The following PPM1H variants were observed in gnomAD, a reference collection of about 807,000 sequenced individuals.
PPM1H encodes the protein protein phosphatase 1H.
PPM1H carries 27 observed loss-of-function variants against 54.9 expected under a neutral mutation model. That is an observed-to-expected ratio of 0.49 (90% CI 0.36 to 0.68). PPM1H has a LOEUF of 0.68. Ranked by LOEUF, PPM1H falls within the 30% of genes least tolerant of loss-of-function variation. PPM1H has a pLI of 0.00. For missense variants in PPM1H, 596 were observed against 667.8 expected (o/e 0.89, Z 1.19); for synonymous variants, 305 against 270.8 (o/e 1.13, Z -1.24).
chr12:62,717,945 C>T (rs1213491744), intron 6 of PPM1H, among the ~76,000 whole-genome samples: 3 of 152,212 alleles, frequency 2.0e-5, no homozygotes, highest in Admixed American at 6.5e-5. Context: ...AAATCCTAGG[C>T]AGATATTTAT....
chr12:62,696,052 T>C (rs1208916603), intron 6 of PPM1H, among the ~76,000 whole-genome samples: 4 of 152,104 alleles, frequency 2.6e-5, no homozygotes, highest in Non-Finnish European at 5.9e-5. Context: ...GCTAGAAGGC[T>C]AGAATTAAAT....
intron 4 of PPM1H, among the ~76,000 whole-genome samples, chr12:62,741,541 T>C (rs541338538): frequency 6.6e-6 from 1 of 152,344 alleles, no homozygotes; most frequent in Admixed American, 6.5e-5. Flanking sequence ...TCCCTTCACA[T>C]GGCTTCTTCC....
At chr12:62,832,898 G>A (rs558476580) in intron 1 of PPM1H, among the ~76,000 whole-genome samples, 1 of 152,074 alleles carries the variant, frequency 6.6e-6, no homozygotes, top group South Asian at 2.1e-4. Context: ...CTGGGCTATA[G>A]GCACTCTGAT....
chr12:62,756,439 A>C (rs1288863056), intron 4 of PPM1H, among the ~76,000 whole-genome samples: 1 of 152,136 alleles, frequency 6.6e-6, no homozygotes, highest in Non-Finnish European at 1.5e-5. Flanking sequence ...CAGCCAAAAA[A>C]AAAAAAATTG....
Position 62,677,662 on chromosome 12 carries a change from A to G in PPM1H, c.1246-10333T>C, listed in dbSNP as rs1366510184. ...TGTGCCTGGCTCACTCTTGGCAGGC[A>G]TGGGGTCTGGGCCAGTAGCAAAAGC... On this transcript the variant is annotated intron_variant, in intron 8 of 9. Coordinates refer to ENST00000228705, the MANE Select transcript of PPM1H (RefSeq NM_020700.2). Among the ~76,000 whole-genome samples the G allele has an allele frequency of 5.3e-5, 8 of 152,140 alleles. 1 individual carries two copies. Among genetic ancestry groups the G allele is most frequent in the Admixed American group, 4.6e-4 (7 of 15,274 alleles).
chr12:62,862,244 A>G (rs1162482073), intron 1 of PPM1H, among the ~76,000 whole-genome samples: 1 of 152,198 alleles, frequency 6.6e-6, no homozygotes, highest in Non-Finnish European at 1.5e-5. Context: ...AGGATATAAG[A>G]TGGCTACTGG....
intron 1 of PPM1H, among the ~76,000 whole-genome samples, chr12:62,906,354 TTTCATA>T (rs1871301770): frequency 6.6e-6 from 1 of 152,226 alleles, no homozygotes; most frequent in Non-Finnish European, 1.5e-5. Context: ...ATGTTTTATG[TTTCATA>T]ATCACTGGAT....
intron 2 of PPM1H, among the ~76,000 whole-genome samples, chr12:62,818,252 C>G (rs956850618): frequency 1.3e-5 from 2 of 152,158 alleles, no homozygotes; most frequent in Non-Finnish European, 2.9e-5. Context: ...TGGTACCCTC[C>G]TCCTCTTATC....
At chr12:62,722,375 A>C (rs1317388500) in intron 5 of PPM1H, among the ~76,000 whole-genome samples, 1 of 152,196 alleles carries the variant, frequency 6.6e-6, no homozygotes, top group African/African-American at 2.4e-5. Flanking sequence ...TTTACAAAGC[A>C]GGAGTCGATT....
chr12:62,802,523 A>T (rs2076777218), intron 2 of PPM1H, among the ~76,000 whole-genome samples: 1 of 151,736 alleles, frequency 6.6e-6, no homozygotes. Context: ...ACAAACAGAC[A>T]AGTCTGTACG....
chr12:62,737,850 C>T (rs892811345), intron 4 of PPM1H, among the ~76,000 whole-genome samples: 3 of 152,150 alleles, frequency 2.0e-5, no homozygotes, highest in East Asian at 3.9e-4. Flanking sequence ...CCCAACCATA[C>T]TTCTTGGCAC....
At chr12:62,723,967 A>G (rs1181720990) in intron 5 of PPM1H, among the ~76,000 whole-genome samples, 6 of 152,146 alleles carry the variant, frequency 3.9e-5, no homozygotes, top group Admixed American at 1.3e-4. Flanking sequence ...AAAGCAAGCC[A>G]TGAGACCTAG....
At chr12:62,840,496 C>T (rs1260129282) in intron 1 of PPM1H, among the ~76,000 whole-genome samples, 1 of 152,050 alleles carries the variant, frequency 6.6e-6, no homozygotes, top group African/African-American at 2.4e-5. Flanking sequence ...AGGCCTATGT[C>T]GCAAGGGATC....
At chr12:62,836,181 AATC>A (rs1299337569) in intron 1 of PPM1H, among the ~76,000 whole-genome samples, 2 of 152,274 alleles carry the variant, frequency 1.3e-5, no homozygotes, top group African/African-American at 4.8e-5. Context: ...GTGGACCACG[AATC>A]ATCATACCTT....
intron 1 of PPM1H, among the ~76,000 whole-genome samples, chr12:62,864,419 A>G (rs1462925942): frequency 1.3e-5 from 2 of 152,230 alleles, no homozygotes; most frequent in Non-Finnish European, 2.9e-5. Flanking sequence ...CTTAGCTGAC[A>G]TTCTCATGCC....
Position 62,889,539 on chromosome 12 carries a change from T to G in PPM1H, c.245+44953A>C, listed in dbSNP as rs1592656690. Among the ~76,000 whole-genome samples the G allele has an allele frequency of 2.6e-5, 4 of 152,154 alleles. No individual in the cohort carries two copies. In the East Asian group the frequency reaches 5.8e-4, roughly 22 times the overall value. On this transcript the variant is annotated intron_variant, in intron 1 of 9. Coordinates refer to ENST00000228705, the MANE Select transcript of PPM1H (RefSeq NM_020700.2). ...TATAAAAATATAATGTAAAGTTACATTTATCAAGAACGTCTAGTGTTGGCA... is the reference window on the plus strand; with the variant it reads ...TATAAAAATATAATGTAAAGTTACAGTTATCAAGAACGTCTAGTGTTGGCA...
intron 5 of PPM1H, among the ~76,000 whole-genome samples, chr12:62,726,770 T>C (rs2076292037): frequency 6.6e-6 from 1 of 152,264 alleles, no homozygotes; most frequent in African/African-American, 2.4e-5. Context: ...TCATTTGTAC[T>C]GGTCTGTGCC....
At chr12:62,790,149 G>C (rs770548485) in intron 3 of PPM1H, among the ~76,000 whole-genome samples, 57 of 152,212 alleles carry the variant, frequency 3.7e-4, no homozygotes, top group Admixed American at 2.6e-4. Flanking sequence ...AAAAGGGGGA[G>C]AGAAGTCAAG....
intron 2 of PPM1H, among the ~76,000 whole-genome samples, chr12:62,822,286 G>C (rs1170866005): frequency 6.6e-6 from 1 of 152,152 alleles, no homozygotes; most frequent in East Asian, 1.9e-4. Context: ...AAGAGACTTA[G>C]ACTCCCACAC....
Sources: gnomAD v4.1 joint callset for allele counts (sites outside exome capture counted in the v4.1 genomes callset) on GRCh38, gnomAD v4.1.1 for gene constraint, MANE v1.5 for transcripts, NCBI Gene and HGNC (gene_info 2026-07-23, HGNC 2026-07-21) for gene names.